FAAH2: variants seen among roughly 807,000 people sequenced by gnomAD.
FAAH2 encodes fatty-acid amide hydrolase 2.
In FAAH2, 60 loss-of-function variants were observed where a neutral mutation model predicts 36.9. The observed-to-expected ratio is 1.63, with a 90% CI of 1.32 to 2.02. The LOEUF is 2.02. Among genes scored for constraint, FAAH2 ranks in the 30% most tolerant of loss-of-function variants. The probability of loss-of-function intolerance (pLI) is 0.00; values close to 1 mark genes in which losing one functional copy is unlikely to be tolerated. For missense variants in FAAH2, 689 were observed against 397.5 expected (o/e 1.73, Z -6.23); for synonymous variants, 214 against 143.8 (o/e 1.49, Z -3.49).
chrX:57,478,669 G>A (rs1182991673), intron 10 of FAAH2, among the ~76,000 whole-genome samples: 2 of 111,651 alleles, frequency 1.8e-5, no homozygotes, highest in African/African-American at 3.3e-5. Context: ...TTTGTATAAG[G>A]TGTAAGGAAG....
the FAAH2 span, among the ~76,000 whole-genome samples, chrX:57,216,571 T>TATAC: frequency 3.0e-3 from 59 of 19,917 alleles, no homozygotes; most frequent in African/African-American, 0.023. Flanking sequence ...TATACGTATA[T>TATAC]GTATATATAT....
intron 5 of FAAH2, among the ~76,000 whole-genome samples, chrX:57,343,083 CAT>C (rs1348106768): frequency 8.9e-6 from 1 of 112,055 alleles, no homozygotes; most frequent in East Asian, 2.8e-4. Context: ...CTGTGATAAA[CAT>C]ATGAGTTCAT....
At chrX:57,142,473 A>G in the FAAH2 span, among the ~76,000 whole-genome samples, 1 of 112,192 alleles carries the variant, frequency 8.9e-6, no homozygotes, top group South Asian at 3.7e-4. Context: ...AAGATACTTG[A>G]TATAATTTTA....
the FAAH2 span, among the ~76,000 whole-genome samples, chrX:57,179,070 C>T: frequency 4.5e-5 from 5 of 111,653 alleles, no homozygotes; most frequent in Non-Finnish European, 5.6e-5. Context: ...CAAGCCAGTA[C>T]TGAGGGAATT....
At chrX:57,454,941 A>C (rs1380391317) in intron 10 of FAAH2, among the ~76,000 whole-genome samples, 1 of 111,389 alleles carries the variant, frequency 9.0e-6, no homozygotes, top group Admixed American at 9.6e-5. Flanking sequence ...AAATTCAATA[A>C]ATACACAAAC....
chrX:57,399,763 A>C (rs1282508250), intron 7 of FAAH2, among the ~76,000 whole-genome samples: 2 of 112,086 alleles, frequency 1.8e-5, no homozygotes, highest in Non-Finnish European at 3.8e-5. Flanking sequence ...ATATTGCTGC[A>C]TGGGCATGGA....
the FAAH2 span, among the ~76,000 whole-genome samples, chrX:57,181,413 A>G: frequency 0.026 from 2,908 of 111,666 alleles, 85 homozygotes; most frequent in African/African-American, 0.09. Flanking sequence ...ATCAATGTAC[A>G]AAAATCGCTA....
the FAAH2 span, among the ~76,000 whole-genome samples, chrX:57,274,577 C>T: frequency 2.0e-3 from 219 of 112,104 alleles, 1 homozygote; most frequent in African/African-American, 6.7e-3. Flanking sequence ...TGGCTTCATA[C>T]CTGGGATGCA....
intron 7 of FAAH2, among the ~76,000 whole-genome samples, chrX:57,409,363 T>C (rs2055644165): frequency 9.0e-6 from 1 of 111,539 alleles, no homozygotes; most frequent in South Asian, 3.7e-4. Flanking sequence ...CCTGTAATTT[T>C]ATTTTTTATC....
intron 10 of FAAH2, among the ~76,000 whole-genome samples, chrX:57,481,355 T>A (rs1263109457): frequency 1.8e-5 from 2 of 111,950 alleles, no homozygotes; most frequent in Non-Finnish European, 3.8e-5. Context: ...TTTGTGCTGT[T>A]TTTTTTCCTC....
chrX:57,455,714 ATACT>A (rs896912989), intron 10 of FAAH2, among the ~76,000 whole-genome samples: 14 of 112,223 alleles, frequency 1.2e-4, no homozygotes, highest in Admixed American at 7.6e-4. Context: ...AAGAAGGGTA[ATACT>A]TAATAATAAA....
At chrX:57,209,635 G>A in the FAAH2 span, among the ~76,000 whole-genome samples, 1 of 111,421 alleles carries the variant, frequency 9.0e-6, no homozygotes, top group Non-Finnish European at 1.9e-5. Flanking sequence ...AAGCTTTTTA[G>A]CCTGGAGTTA....
chrX:57,122,412 G>C, the FAAH2 span, among the ~76,000 whole-genome samples: 1 of 111,643 alleles, frequency 9.0e-6, no homozygotes, highest in East Asian at 2.8e-4. Flanking sequence ...CCAGTACTGG[G>C]CATTTGACAT....
chrX:57,223,024 C>A, the FAAH2 span, among the ~76,000 whole-genome samples: 1 of 112,067 alleles, frequency 8.9e-6, no homozygotes, highest in African/African-American at 3.2e-5. Context: ...AGCCAGACAA[C>A]AAATCAACAT....
At chrX:57,193,175 G>A in the FAAH2 span, among the ~76,000 whole-genome samples, 4 of 111,870 alleles carry the variant, frequency 3.6e-5, no homozygotes, top group Non-Finnish European at 7.5e-5. Context: ...CTGGGAAAGA[G>A]AATGTGCCCC....
At chrX:57,317,163 A>G (rs1159376656) in intron 3 of FAAH2, among the ~76,000 whole-genome samples, 1 of 112,266 alleles carries the variant, frequency 8.9e-6, no homozygotes. Flanking sequence ...TTCACAAATA[A>G]CAATATTAGC....
At chrX:57,222,269 T>A in the FAAH2 span, among the ~76,000 whole-genome samples, 1 of 111,849 alleles carries the variant, frequency 8.9e-6, no homozygotes. Flanking sequence ...GCCCTCTCTA[T>A]GTGCCATTAA....
At chrX:57,267,122 G>T in the FAAH2 span, among the ~76,000 whole-genome samples, 1 of 112,543 alleles carries the variant, frequency 8.9e-6, no homozygotes, top group Non-Finnish European at 1.9e-5. Context: ...GCTCCAGCAA[G>T]GTGGCCCCTA....
intron 2 of FAAH2, among the ~76,000 whole-genome samples, chrX:57,306,320 A>G (rs1013772330): frequency 6.3e-5 from 7 of 111,855 alleles, no homozygotes; most frequent in Non-Finnish European, 1.1e-4. Context: ...GTAACTAGCT[A>G]TAGACACACA....
Sources: allele counts gnomAD v4.1 joint callset (sites outside exome capture counted in the v4.1 genomes callset), GRCh38; gene constraint gnomAD v4.1.1; transcripts MANE v1.5; gene names NCBI Gene and HGNC (gene_info 2026-07-23, HGNC 2026-07-21).